Variants in FLRT3 observed in about 807,000 individuals in gnomAD.
The protein encoded by FLRT3 is fibronectin leucine rich transmembrane protein 3.
In FLRT3, 17 loss-of-function variants were observed where a neutral mutation model predicts 42.6. The ratio of observed to expected loss-of-function variants is 0.40; its 90% CI spans 0.27 to 0.60. The LOEUF is 0.60. FLRT3 is among the 20% of genes least tolerant of loss of function. The probability of loss-of-function intolerance (pLI) is 0.44; values close to 1 mark genes in which losing one functional copy is unlikely to be tolerated. For missense variants in FLRT3, 635 were observed against 789.2 expected (o/e 0.80, Z 2.34); for synonymous variants, 279 against 286.4 (o/e 0.97, Z 0.26).
intron 1 of FLRT3, among the ~76,000 whole-genome samples, chr20:14,332,918 G>A (rs1410565163): frequency 6.6e-6 from 1 of 152,040 alleles, no homozygotes; most frequent in Non-Finnish European, 1.5e-5. Context: ...ACAACAAACG[G>A]TATTTCAAAT....
Position 14,325,346 on chromosome 20 carries a change from C to A in FLRT3, c.*211G>T, listed in dbSNP as rs1365289455. On this transcript the variant is annotated 3_prime_UTR_variant, in exon 3 of 3. Coordinates refer to ENST00000341420, the MANE Select transcript of FLRT3 (RefSeq NM_198391.3). ...AAATACTAAAATATAGAATTGTGTT[C>A]AGGCATCTCCACTACATCAATCGCA... The A allele has an allele frequency of 9.2e-6, 4 of 436,230 alleles. No individual in the cohort carries two copies. Among genetic ancestry groups the A allele is most frequent in the Non-Finnish European group, 1.2e-5 (3 of 250,578 alleles). 27.0% of individuals were successfully genotyped at this position (436,230 alleles called of 1,614,324 possible). A position where few individuals can be genotyped will look rare whatever the true frequency, so the allele number is the denominator to read the frequency against.
At position 14,325,974 on chromosome 20, in the gene FLRT3, G is replaced by A. The variant is rs771327059; in HGVS notation, c.1533C>T (p.Thr511=). Residue 511 remains threonine, a synonymous_variant, in exon 3 of 3, where the codon ACC becomes ACT. Coordinates refer to ENST00000341420, the MANE Select transcript of FLRT3 (RefSeq NM_198391.3). ...CTTTCTCTTGCTCTCGATTGAGGGT[G>A]GTTGTAGGGTTGTACATTCGAAGGG... ...TAPLRMYNPT[T]TLNREQEKEP... is the part of the protein sequence containing the mutation. 11 of 1,613,886 alleles carry A rather than the reference G, an allele frequency of 6.8e-6. No homozygotes were observed. The South Asian group carries it at 1.1e-4, about 16-fold the overall frequency.
intron 1 of FLRT3, among the ~76,000 whole-genome samples, chr20:14,332,349 T>C (rs1279587082): frequency 2.0e-5 from 3 of 152,094 alleles, no homozygotes; most frequent in East Asian, 1.9e-4. Flanking sequence ...AAAACTAGTA[T>C]TTAAATAAAA....
rs1472952827 is a variant in FLRT3 at position 14,323,177 on chromosome 20, T to C, written c.*2380A>G. 6.6e-6 allele frequency: 1 copy of C among 152,326 alleles called. No individual in the cohort carries two copies. The highest frequency in any genetic ancestry group is 1.9e-4 in the East Asian group (1 of 5,180). 9.4% of individuals were successfully genotyped at this position (152,326 alleles called of 1,614,324 possible). ...GTGTCATATCCCACAGGTTGAGGGC[T>C]TATTCCCACAAAACTGCCTCCTCTT... On this transcript the variant is annotated 3_prime_UTR_variant, in exon 3 of 3. Coordinates refer to ENST00000341420, the MANE Select transcript of FLRT3 (RefSeq NM_198391.3).
At chr20:14,336,801 A>G (rs762424196) in intron 1 of FLRT3, among the ~76,000 whole-genome samples, 2 of 152,096 alleles carry the variant, frequency 1.3e-5, no homozygotes, top group African/African-American at 4.8e-5. Flanking sequence ...TCTGAGTTCA[A>G]TTTACTAGTT....
At chr20:14,335,771 G>A (rs1457438778) in intron 1 of FLRT3, among the ~76,000 whole-genome samples, 1 of 152,050 alleles carries the variant, frequency 6.6e-6, no homozygotes, top group Non-Finnish European at 1.5e-5. Context: ...TTTTGGTTGT[G>A]CTCTTCAAAA....
chr20:14,325,439 G>A lies in FLRT3; in HGVS notation c.*118C>T. 1.8e-6 allele frequency: 2 copies of A among 1,081,302 alleles called. No individual in the cohort carries two copies. The highest frequency in any genetic ancestry group is 3.2e-5 in the South Asian group (2 of 62,054). The allele number at this position is 1,081,302 out of a possible 1,614,324, so 67.0% of individuals were successfully genotyped here. ...ATATAAATTATATGGCAAATGTACAGTACATTGCTTTTTTTCAGTCTCTTT... is the reference window on the plus strand; with the variant it reads ...ATATAAATTATATGGCAAATGTACAATACATTGCTTTTTTTCAGTCTCTTT... On this transcript the variant is annotated 3_prime_UTR_variant, in exon 3 of 3. Transcript: ENST00000341420.
chr20:14,335,952 T>C (rs2082928652), intron 1 of FLRT3, among the ~76,000 whole-genome samples: 1 of 152,156 alleles, frequency 6.6e-6, no homozygotes, highest in African/African-American at 2.4e-5. Flanking sequence ...ATCATTAATA[T>C]TTGTAGTAGT....
At position 14,325,873 on chromosome 20, in the gene FLRT3, A is replaced by G; in HGVS notation, c.1634T>C (p.Leu545Pro). The G allele has an allele frequency of 6.2e-7, 1 of 1,614,002 alleles. No individual in the cohort carries two copies. Among genetic ancestry groups the G allele is most frequent in the Non-Finnish European group, 8.5e-7 (1 of 1,179,906 alleles). Reference sequence around the variant, plus strand: ...ATGAACATACCAACACACTAAAGCAAGAAGGGCAATGGTAACCAGGGCCAC... The same window carrying G: ...ATGAACATACCAACACACTAAAGCAGGAAGGGCAATGGTAACCAGGGCCAC... Reference protein sequence around the residue: ...GAVALVTIALLALVCWYVHRN... With the variant: ...GAVALVTIALPALVCWYVHRN... The change falls in exon 3 of 3, where the codon CTT becomes CCT. Residue 545 changes from leucine to proline, a missense_variant. Transcript: ENST00000341420.
chr20:14,330,319 A>T (rs941780263), intron 1 of FLRT3, among the ~76,000 whole-genome samples: 12 of 152,062 alleles, frequency 7.9e-5, no homozygotes, highest in Admixed American at 2.6e-4. Flanking sequence ...CGAATTGGTT[A>T]TGCAGGGTCA....
At chr20:14,331,060 A>G (rs569754082) in intron 1 of FLRT3, among the ~76,000 whole-genome samples, 1 of 152,234 alleles carries the variant, frequency 6.6e-6, no homozygotes, top group African/African-American at 2.4e-5. Flanking sequence ...ACCAAGAGTC[A>G]AGCATTTCTG....
chr20:14,331,395 C>T (rs2082835673), intron 1 of FLRT3, among the ~76,000 whole-genome samples: 2 of 152,070 alleles, frequency 1.3e-5, no homozygotes, highest in African/African-American at 4.8e-5. Context: ...TTTCTCTATT[C>T]TGTTTGATAT....
At position 14,323,983 on chromosome 20, in the gene FLRT3, A is replaced by C. The variant is rs2082695764; in HGVS notation, c.*1574T>G. 1 of 152,160 alleles carries C rather than the reference A, an allele frequency of 6.6e-6. No homozygotes were observed. The highest frequency in any genetic ancestry group is 1.5e-5 in the Non-Finnish European group (1 of 68,030). 9.4% of individuals were successfully genotyped at this position (152,160 alleles called of 1,614,324 possible). A position where few individuals can be genotyped will look rare whatever the true frequency, so the allele number is the denominator to read the frequency against. On this transcript the variant is annotated 3_prime_UTR_variant, in exon 3 of 3. Coordinates refer to ENST00000341420, the MANE Select transcript of FLRT3 (RefSeq NM_198391.3). ...AACTCTTTGAAGTAAAATGATACAC[A>C]ACCTCAAGATGTTGATTTTTTAAAA... is the stretch of plus-strand genomic sequence containing the variant.
intron 1 of FLRT3, among the ~76,000 whole-genome samples, chr20:14,336,862 C>A (rs775424911): frequency 2.0e-5 from 3 of 152,176 alleles, no homozygotes; most frequent in African/African-American, 7.2e-5. Context: ...GATAGCAGTG[C>A]AAGCTTTAAA....
chr20:14,334,424 G>T (rs1271156199), intron 1 of FLRT3, among the ~76,000 whole-genome samples: 2 of 152,206 alleles, frequency 1.3e-5, no homozygotes, highest in East Asian at 3.8e-4. Context: ...GTTAGAAGGA[G>T]CTGAGAAACA....
At chr20:14,330,270 C>T (rs967270884) in intron 1 of FLRT3, among the ~76,000 whole-genome samples, 3 of 151,888 alleles carry the variant, frequency 2.0e-5, no homozygotes, top group East Asian at 1.9e-4. Flanking sequence ...CAAATATGCA[C>T]GAAGATTTTT....
chr20:14,326,906 G>C lies in FLRT3; in HGVS notation c.601C>G (p.Leu201Val), dbSNP rs746035260. ...TTTCCATCTAGAACCAGGCGTTTTAGACTAGTGAGACCTTGAAGAGATGGT... is the reference window on the plus strand; with the variant it reads ...TTTCCATCTAGAACCAGGCGTTTTACACTAGTGAGACCTTGAAGAGATGGT... ...SSPSLQGLTS[L>V]KRLVLDGNLL... is the part of the protein sequence containing the mutation. Residue 201 changes from leucine (L) to valine (V), a missense_variant, in exon 3 of 3, where the codon CTA becomes GTA. Coordinates refer to ENST00000341420, the MANE Select transcript of FLRT3 (RefSeq NM_198391.3). The surrounding 1 kb of genome is among the most constrained non-coding windows in gnomAD (Gnocchi z 5.5). 2 of 1,613,780 alleles carry C rather than the reference G, an allele frequency of 1.2e-6. No individual in the cohort carries two copies. The highest frequency in any genetic ancestry group is 1.7e-6 in the Non-Finnish European group (2 of 1,179,808).
Position 14,325,881 on chromosome 20 carries a change from A to G in FLRT3, c.1626T>C (p.Ile542=). 3.7e-6 allele frequency: 6 copies of G among 1,613,960 alleles called. No individual in the cohort carries two copies. Among genetic ancestry groups the G allele is most frequent in the Non-Finnish European group, 4.2e-6 (5 of 1,179,876 alleles). The stretch of plus-strand genomic sequence containing the variant: ...ACCAACACACTAAAGCAAGAAGGGC[A>G]ATGGTAACCAGGGCCACAGCCCCAC... The part of the protein sequence containing the change: ...IIGGAVALVT[I]ALLALVCWYV... The change falls in exon 3 of 3, where the codon ATT becomes ATC. Residue 542 remains isoleucine, a synonymous_variant. Transcript: ENST00000341420.
At chr20:14,331,839 A>G (rs955163572) in intron 1 of FLRT3, among the ~76,000 whole-genome samples, 1 of 152,110 alleles carries the variant, frequency 6.6e-6, no homozygotes, top group Non-Finnish European at 1.5e-5. Context: ...ACTGTAGTCA[A>G]ATGTCGATGA....
Sources: allele counts gnomAD v4.1 joint callset (sites outside exome capture counted in the v4.1 genomes callset), GRCh38; gene constraint gnomAD v4.1.1; non-coding constraint Gnocchi (gnomAD v3.1); transcripts MANE v1.5; gene names NCBI Gene and HGNC (gene_info 2026-07-23, HGNC 2026-07-21).